Variants in FBN1 observed in about 807,000 individuals in gnomAD.
FBN1 encodes the protein fibrillin 1.
A neutral mutation model predicts 365.1 loss-of-function variants in FBN1; 29 were observed. The ratio of observed to expected loss-of-function variants is 0.08; its 90% CI spans 0.06 to 0.11. The LOEUF (loss-of-function observed/expected upper bound fraction) is 0.11. Ranked by LOEUF, FBN1 falls within the 10% of genes least tolerant of loss-of-function variation. The pLI, the probability that FBN1 is intolerant of heterozygous loss-of-function variation, is 1.00. For missense variants in FBN1, 2,476 were observed against 3,703.2 expected, an observed-to-expected ratio of 0.67 and a Z score of 8.60; for synonymous variants, 1,210 against 1,270.5, an observed-to-expected ratio of 0.95 and a Z score of 1.01.
intron 45 of FBN1, 85 bp from the exon 46 acceptor site, chr15:48,448,978 A>C: frequency 8.7e-7 from 1 of 1,155,884 alleles, no homozygotes; most frequent in Non-Finnish European, 1.3e-6. Flanking sequence ...TCTCAGGAGT[A>C]ATCCTAGCTC....
chr15:48,593,139 T>C (rs1255312000), intron 6 of FBN1, among the ~76,000 whole-genome samples: 1 of 152,176 alleles, frequency 6.6e-6, no homozygotes, highest in Non-Finnish European at 1.5e-5. Context: ...CTTCTCTCCA[T>C]CACAAAACCA....
At chr15:48,419,761 CT>C (rs1366588841) in intron 63 of FBN1, among the ~76,000 whole-genome samples, 2 of 152,192 alleles carry the variant, frequency 1.3e-5, no homozygotes, top group Non-Finnish European at 2.9e-5. Flanking sequence ...AGCAGTAATT[CT>C]TTGAGTTTTT....
chr15:48,443,541 G>T (rs968382813), intron 49 of FBN1, among the ~76,000 whole-genome samples: 1 of 152,008 alleles, frequency 6.6e-6, no homozygotes, highest in African/African-American at 2.4e-5. Context: ...ATTTCAATAA[G>T]GTGTTTCCAT....
At chr15:48,558,059 A>C (rs553695633) in intron 6 of FBN1, among the ~76,000 whole-genome samples, 1 of 152,098 alleles carries the variant, frequency 6.6e-6, no homozygotes, top group Non-Finnish European at 1.5e-5. Context: ...AATAATCAGC[A>C]CTCCAAGTCC....
chr15:48,468,271 T>G, intron 37 of FBN1, 141 bp downstream of exon 37: 2 of 1,345,326 alleles, frequency 1.5e-6, no homozygotes, highest in South Asian at 2.4e-5. Context: ...ATGGAAAAGA[T>G]ATCTGAATCT....
chr15:48,526,960 T>A (rs989933308), intron 8 of FBN1, among the ~76,000 whole-genome samples: 1 of 152,200 alleles, frequency 6.6e-6, no homozygotes, highest in Non-Finnish European at 1.5e-5. Context: ...GGTCACACCC[T>A]TCCCAGGCAC....
intron 43 of FBN1, among the ~76,000 whole-genome samples, chr15:48,458,188 T>C (rs1272209086): frequency 6.6e-6 from 1 of 152,236 alleles, no homozygotes; most frequent in Non-Finnish European, 1.5e-5. Flanking sequence ...GTACATACTT[T>C]GCTTGCATAC....
chr15:48,432,261 G>T (rs1198059625), intron 55 of FBN1, among the ~76,000 whole-genome samples: 1 of 152,148 alleles, frequency 6.6e-6, no homozygotes, highest in Non-Finnish European at 1.5e-5. Flanking sequence ...CATCTTGAGA[G>T]AACAGGTGTC....
At chr15:48,478,428 C>T (rs946060849) in intron 32 of FBN1, among the ~76,000 whole-genome samples, 2 of 152,144 alleles carry the variant, frequency 1.3e-5, no homozygotes, top group African/African-American at 4.8e-5. Flanking sequence ...CCCAGAAATC[C>T]CGCTATTTTA....
chr15:48,503,123 C>T (rs1177878815), intron 17 of FBN1, among the ~76,000 whole-genome samples: 1 of 151,694 alleles, frequency 6.6e-6, no homozygotes, highest in Admixed American at 6.6e-5. Flanking sequence ...TATGGTGAAA[C>T]CTCGTCTCTA....
chr15:48,503,327 GAAGA>G (rs1216317990), intron 17 of FBN1, among the ~76,000 whole-genome samples: 2 of 148,542 alleles, frequency 1.3e-5, no homozygotes, highest in East Asian at 3.9e-4. Flanking sequence ...AGAAGAAGAA[GAAGA>G]AAGAAAAAGA....
At chr15:48,539,744 C>G (rs1208035197) in intron 6 of FBN1, among the ~76,000 whole-genome samples, 3 of 152,056 alleles carry the variant, frequency 2.0e-5, no homozygotes, top group Admixed American at 1.3e-4. Context: ...TGATATAGCC[C>G]CACCCACCTT....
At chr15:48,554,104 T>C (rs2044162701) in intron 6 of FBN1, among the ~76,000 whole-genome samples, 1 of 152,250 alleles carries the variant, frequency 6.6e-6, no homozygotes, top group African/African-American at 2.4e-5. Context: ...AAAGCTGTGC[T>C]TTCCCCACTA....
chr15:48,631,105 G>A (rs766963706), intron 2 of FBN1, among the ~76,000 whole-genome samples: 7 of 152,024 alleles, frequency 4.6e-5, no homozygotes, highest in African/African-American at 9.7e-5. Context: ...CCACTCTCAC[G>A]GATGTTCAAT....
In FBN1 at chr15:48,469,380, T is replaced by C. The variant is rs572300581; in HGVS notation, c.4460-846A>G. Reference sequence around the variant, plus strand: ...GTGAGGCTTAGTGTGTTCCCTGAGGTCGGCAAGGAGTGTCTCTCCCATCAT... The same window carrying C: ...GTGAGGCTTAGTGTGTTCCCTGAGGCCGGCAAGGAGTGTCTCTCCCATCAT... On this transcript the variant is annotated intron_variant, in intron 36 of 65. Coordinates refer to ENST00000316623, the MANE Select transcript of FBN1 (RefSeq NM_000138.5). Among the ~76,000 whole-genome samples the C allele has an allele frequency of 1.5e-3, 224 of 152,174 alleles. 2 individuals carry two copies. Among genetic ancestry groups the C allele is most frequent in the Non-Finnish European group, 2.3e-3 (158 of 68,008 alleles).
At chr15:48,487,560 C>T in intron 27 of FBN1, 123 bp from the exon 28 acceptor site, 1 of 1,345,162 alleles carries the variant, frequency 7.4e-7, no homozygotes, top group Non-Finnish European at 1.1e-6. Flanking sequence ...TGGGACAACT[C>T]TCTGGTGCTA....
rs538944729 is a variant in FBN1, at chr15:48,581,972, T to C, written c.538+14311A>G. On this transcript the variant is annotated intron_variant, in intron 6 of 65. Coordinates refer to ENST00000316623, the MANE Select transcript of FBN1 (RefSeq NM_000138.5). The stretch of plus-strand genomic sequence containing the variant: ...AAATATGAAGGGTTGCCCCAAGGAC[T>C]GACTAAGGTGGTATATGTTCATAAG... Among the ~76,000 whole-genome samples, 11 of 152,300 alleles carry C rather than the reference T, an allele frequency of 7.2e-5. No homozygotes were observed. In the East Asian group the frequency reaches 1.9e-3, roughly 27 times the overall value.
At chr15:48,511,257 C>A (rs1389197692) in intron 13 of FBN1, among the ~76,000 whole-genome samples, 2 of 152,170 alleles carry the variant, frequency 1.3e-5, no homozygotes, top group Non-Finnish European at 2.9e-5. Context: ...GTGGTTTCCA[C>A]ACAAGTCATT....
chr15:48,494,870 C>A (rs1297979708), intron 22 of FBN1, among the ~76,000 whole-genome samples: 2 of 152,212 alleles, frequency 1.3e-5, no homozygotes, highest in Admixed American at 1.3e-4. Flanking sequence ...CCCAAGAGAG[C>A]TGGCAGGCAC....
Sources: allele counts gnomAD v4.1 joint callset (sites outside exome capture counted in the v4.1 genomes callset), GRCh38; gene constraint gnomAD v4.1.1; transcripts MANE v1.5; gene names NCBI Gene and HGNC (gene_info 2026-07-23, HGNC 2026-07-21).